The following PLCXD3 variants were observed in gnomAD, a reference collection of about 807,000 sequenced individuals.
PLCXD3 encodes the protein PI-PLC X domain-containing protein 3.
In PLCXD3, 19 loss-of-function variants were observed where a neutral mutation model predicts 25.5. The observed-to-expected ratio is 0.75, with a 90% CI of 0.52 to 1.09. The LOEUF (loss-of-function observed/expected upper bound fraction) is 1.09. Ranked by LOEUF, PLCXD3 falls within the 50% of genes least tolerant of loss-of-function variation. PLCXD3 has a pLI of 0.00. For synonymous variants in PLCXD3, 174 were observed against 137.6 expected (o/e 1.26, Z -1.85); for missense variants, 411 against 388.1 (o/e 1.06, Z -0.50).
intron 2 of PLCXD3, among the ~76,000 whole-genome samples, chr5:41,321,878 A>G (rs1743482546): frequency 6.6e-6 from 1 of 152,200 alleles, no homozygotes; most frequent in Non-Finnish European, 1.5e-5. Flanking sequence ...GATGCAAAAG[A>G]ATAAAACTTG....
chr5:41,392,144 A>C (rs545402128), intron 1 of PLCXD3, among the ~76,000 whole-genome samples: 9 of 152,326 alleles, frequency 5.9e-5, no homozygotes, highest in Admixed American at 1.3e-4. Flanking sequence ...TCTGAAGGGA[A>C]GGACACAAGC....
chr5:41,414,435 T>C (rs1284989871), intron 1 of PLCXD3, among the ~76,000 whole-genome samples: 1 of 152,070 alleles, frequency 6.6e-6, no homozygotes, highest in Non-Finnish European at 1.5e-5. Context: ...GGCATTATTT[T>C]TGATGGAAAA....
intron 2 of PLCXD3, among the ~76,000 whole-genome samples, chr5:41,377,203 G>A (rs1254233155): frequency 6.6e-6 from 1 of 152,066 alleles, no homozygotes; most frequent in Non-Finnish European, 1.5e-5. Context: ...TTATTGTTAA[G>A]ATAGGATGGC....
intron 1 of PLCXD3, among the ~76,000 whole-genome samples, chr5:41,386,781 A>G (rs1035321590): frequency 9.2e-5 from 14 of 152,060 alleles, no homozygotes; most frequent in African/African-American, 2.9e-4. Context: ...CAGCATCTGA[A>G]CAATCAGCAG....
intron 2 of PLCXD3, among the ~76,000 whole-genome samples, chr5:41,373,778 G>T (rs1471812730): frequency 6.6e-6 from 1 of 152,058 alleles, no homozygotes; most frequent in East Asian, 1.9e-4. Flanking sequence ...GGCTTTGGTG[G>T]GAGACACTGA....
rs750819943 is a variant in PLCXD3 at position 41,372,175 on chromosome 5, G to A, written c.812+9651C>T. On this transcript the variant is annotated intron_variant, in intron 2 of 2. Transcript: ENST00000377801. ...TTCTTTTAGAAATTAAATTCAATCT[G>A]CCCAGCAATTCCATAGAAGAAAACT... Among the ~76,000 whole-genome samples, 268 of 151,942 alleles carry A rather than the reference G, an allele frequency of 1.8e-3. 4 individuals carry two copies. Among genetic ancestry groups the A allele is most frequent in the South Asian group, 6.3e-4 (3 of 4,796 alleles).
chr5:41,326,364 A>T (rs1235977520), intron 2 of PLCXD3, among the ~76,000 whole-genome samples: 1 of 152,078 alleles, frequency 6.6e-6, no homozygotes, highest in African/African-American at 2.4e-5. Context: ...TCTCAAATTA[A>T]TTTGAGCATT....
rs539310389 is a variant in PLCXD3, at chr5:41,412,277, A to G, written c.104-29743T>C. Among the ~76,000 whole-genome samples the G allele has an allele frequency of 2.6e-5, 4 of 152,316 alleles. No individual in the cohort carries two copies. The East Asian group carries it at 7.7e-4, about 29-fold the overall frequency. Reference sequence around the variant, plus strand: ...CCGTAGTATTACATAGTCTTCAAACATTGTTTAAATGATTGCATTGTGCCG... The same window carrying G: ...CCGTAGTATTACATAGTCTTCAAACGTTGTTTAAATGATTGCATTGTGCCG... On this transcript the variant is annotated intron_variant, in intron 1 of 2. Coordinates refer to ENST00000377801, the MANE Select transcript of PLCXD3 (RefSeq NM_001005473.3).
chr5:41,470,750 G>T (rs1015395650), intron 1 of PLCXD3, among the ~76,000 whole-genome samples: 1 of 151,936 alleles, frequency 6.6e-6, no homozygotes, highest in Non-Finnish European at 1.5e-5. Flanking sequence ...TATTTTCTGG[G>T]TAGTCCAAAG....
intron 2 of PLCXD3, among the ~76,000 whole-genome samples, chr5:41,329,930 T>C (rs1247806815): frequency 4.0e-5 from 6 of 151,718 alleles, no homozygotes; most frequent in Non-Finnish European, 8.8e-5. Context: ...TATTTGTGTA[T>C]ATATAATACC....
chr5:41,396,419 C>T (rs573599542), intron 1 of PLCXD3, among the ~76,000 whole-genome samples: 67 of 152,250 alleles, frequency 4.4e-4, no homozygotes, highest in African/African-American at 1.5e-3. Flanking sequence ...GCCTCTCAGC[C>T]ATGCTTCATT....
intron 1 of PLCXD3, among the ~76,000 whole-genome samples, chr5:41,440,002 A>T (rs1747341752): frequency 6.6e-6 from 1 of 152,128 alleles, no homozygotes; most frequent in African/African-American, 2.4e-5. Context: ...AATGGAAAGA[A>T]GTCAGTTGGG....
intron 1 of PLCXD3, among the ~76,000 whole-genome samples, chr5:41,384,181 G>A (rs568480953): frequency 3.2e-4 from 49 of 152,188 alleles, no homozygotes; most frequent in African/African-American, 1.1e-3. Context: ...TTTAGTAGAT[G>A]GTGTGGCAAG....
intron 1 of PLCXD3, among the ~76,000 whole-genome samples, chr5:41,425,670 T>A (rs1273048368): frequency 6.6e-6 from 1 of 152,198 alleles, no homozygotes; most frequent in Admixed American, 6.5e-5. Flanking sequence ...CCAACACTGA[T>A]CTTTTTACTG....
chr5:41,443,323 G>A (rs1180403502), intron 1 of PLCXD3, among the ~76,000 whole-genome samples: 3 of 151,788 alleles, frequency 2.0e-5, no homozygotes, highest in African/African-American at 4.8e-5. Flanking sequence ...TTGTAGGGTC[G>A]GTGCAATGTA....
At chr5:41,414,802 G>A (rs1379114365) in intron 1 of PLCXD3, among the ~76,000 whole-genome samples, 1 of 152,150 alleles carries the variant, frequency 6.6e-6, no homozygotes, top group Non-Finnish European at 1.5e-5. Flanking sequence ...TTTGTCCAGT[G>A]TATTCACACA....
rs190004972 is a variant in PLCXD3 at position 41,315,890 on chromosome 5, A to G, written c.813-2120T>C. On this transcript the variant is annotated intron_variant, in intron 2 of 2. Coordinates refer to ENST00000377801, the MANE Select transcript of PLCXD3 (RefSeq NM_001005473.3). ...AGCCAGAGAGGGAATCACAGATCCC[A>G]GCAGTCAGAACTTGAGTGCCTGCAA... is the stretch of plus-strand genomic sequence containing the variant. Among the ~76,000 whole-genome samples the G allele has an allele frequency of 7.8e-3, 1,187 of 152,344 alleles. 55 individuals carry two copies. Among genetic ancestry groups the G allele is most frequent in the Admixed American group, 0.067 (1,025 of 15,294 alleles).
chr5:41,356,693 A>G (rs1230583142), intron 2 of PLCXD3, among the ~76,000 whole-genome samples: 1 of 152,206 alleles, frequency 6.6e-6, no homozygotes, highest in Non-Finnish European at 1.5e-5. Flanking sequence ...TTTGCCATTA[A>G]TATTTACTGA....
chr5:41,363,502 G>A (rs541009294), intron 2 of PLCXD3, among the ~76,000 whole-genome samples: 1 of 152,226 alleles, frequency 6.6e-6, no homozygotes, highest in South Asian at 2.1e-4. Context: ...CTGAAGATGA[G>A]CTGTCATTCA....
Sources: gnomAD v4.1 joint callset for allele counts (sites outside exome capture counted in the v4.1 genomes callset) on GRCh38, gnomAD v4.1.1 for gene constraint, MANE v1.5 for transcripts, NCBI Gene and HGNC (gene_info 2026-07-23, HGNC 2026-07-21) for gene names.